The following LZTR1 variants were observed in gnomAD, a reference collection of about 807,000 sequenced individuals.
LZTR1 encodes leucine-zipper-like transcriptional regulator 1.
In LZTR1, 260 loss-of-function variants were observed where a neutral mutation model predicts 105.7. That is an observed-to-expected ratio of 2.46 (90% CI 2.22 to 2.72). LZTR1 has a LOEUF of 2.72. LZTR1 is among the 30% of genes most tolerant of loss of function. The pLI, the probability that LZTR1 is intolerant of heterozygous loss-of-function variation, is 0.00. For missense variants in LZTR1, 1,214 were observed against 1,166.9 expected (o/e 1.04, Z -0.59); for synonymous variants, 490 against 476.4 (o/e 1.03, Z -0.37).
At chr22:20,988,766 TC>T in intron 5 of LZTR1, 22 bp from the exon 6 acceptor site, 1 of 1,596,724 alleles carries the variant, frequency 6.3e-7, no homozygotes, top group Non-Finnish European at 8.6e-7. Flanking sequence ...CCTCACTCCC[TC>T]CCCTCTTCCC....
In LZTR1 at chr22:20,997,410, A is replaced by C. The variant is rs985252207; in HGVS notation, c.*62A>C. ...TGCCTGCCTGCCCTGCCTACTGAGAAGACTACCGGCTATGCGCATGCCTAT... is the reference window on the plus strand; with the variant it reads ...TGCCTGCCTGCCCTGCCTACTGAGACGACTACCGGCTATGCGCATGCCTAT... On this transcript the variant is annotated 3_prime_UTR_variant, in exon 21 of 21. Transcript: ENST00000646124. 3.7e-5 allele frequency: 47 copies of C among 1,262,042 alleles called. No individual in the cohort carries two copies. The African/African-American group carries it at 5.4e-4, about 15-fold the overall frequency. 78.2% of individuals were successfully genotyped at this position (1,262,042 alleles called of 1,614,324 possible).
chr22:20,995,420 G>T, intron 16 of LZTR1: 1 of 622,744 alleles, frequency 1.6e-6, no homozygotes, highest in Non-Finnish European at 3.1e-6. Flanking sequence ...CCGGTTGCTG[G>T]CTCTTGGTGA....
intron 10 of LZTR1, 118 bp from the exon 11 acceptor site, chr22:20,992,676 C>A (rs1273786736): frequency 4.2e-6 from 3 of 707,838 alleles, no homozygotes; most frequent in Non-Finnish European, 7.2e-6. Context: ...CCTTGGGGAC[C>A]CTGCCCCCTG....
intron 10 of LZTR1, 77 bp downstream of exon 10, chr22:20,992,446 G>A: frequency 1.4e-6 from 2 of 1,442,372 alleles, no homozygotes; most frequent in Non-Finnish European, 9.4e-7. Flanking sequence ...CACACATGGG[G>A]AGACTGAGGC....
At position 20,987,586 on chromosome 22, in the gene LZTR1, A is replaced by G. The variant is rs371956748; in HGVS notation, c.400+3A>G. 1.9e-6 allele frequency: 3 copies of G among 1,613,806 alleles called. No individual in the cohort carries two copies. The highest frequency in any genetic ancestry group is 2.2e-5 in the East Asian group (1 of 44,876). Reference sequence around the variant, plus strand: ...TGGGAGCAGCATGTTTGTCTTTGGTAAGCAGCCTCTTGCCTCCCAGGGGCT... The same window carrying G: ...TGGGAGCAGCATGTTTGTCTTTGGTGAGCAGCCTCTTGCCTCCCAGGGGCT... On this transcript the variant is annotated splice_donor_region_variant and intron_variant, in intron 4 of 20. Coordinates refer to ENST00000646124, the MANE Select transcript of LZTR1 (RefSeq NM_006767.4).
chr22:20,988,523 G>A (rs1924483429), intron 5 of LZTR1, among the ~76,000 whole-genome samples: 1 of 152,178 alleles, frequency 6.6e-6, no homozygotes, highest in African/African-American at 2.4e-5. Flanking sequence ...CTGGGGTCCC[G>A]CTTTTTGAGC....
chr22:20,996,903 CA>C lies in LZTR1; in HGVS notation c.2347del (p.Thr783ArgfsTer6). On this transcript the variant is annotated frameshift_variant, in exon 20 of 21. Transcript: ENST00000646124. LOFTEE classifies it high-confidence loss of function. ...CATTGCAGATCCTGGAGGCAGCTGA[CA>C]AAACGCAGGCACTGGACATGAAGCG... is the stretch of plus-strand genomic sequence containing the variant. ...NVLQILEAAD[K>X]TQALDMKRHC... 1 of 1,612,278 alleles carries C rather than the reference CA, an allele frequency of 6.2e-7. No individual in the cohort carries two copies. Among genetic ancestry groups the C allele is most frequent in the African/African-American group, 1.3e-5 (1 of 75,042 alleles).
chr22:20,994,619 GTGC>G lies in LZTR1; in HGVS notation c.1678_1680del (p.Cys560del). 1 of 1,612,650 alleles carries G rather than the reference GTGC, an allele frequency of 6.2e-7. No individual in the cohort carries two copies. The highest frequency in any genetic ancestry group is 8.5e-7 in the Non-Finnish European group (1 of 1,179,850). On this transcript the variant is annotated inframe_deletion, in exon 15 of 21. Coordinates refer to ENST00000646124, the MANE Select transcript of LZTR1 (RefSeq NM_006767.4). ...ACAAACTGGCACTGAGCTTCCAGTTGTGCCGCCTGGAGCAGCTGTGCCGCCAGT... is the reference window on the plus strand; with the variant it reads ...ACAAACTGGCACTGAGCTTCCAGTTGCGCCTGGAGCAGCTGTGCCGCCAGT...
rs1198204613 is a variant in LZTR1 at position 20,994,225 on chromosome 22, T to C, written c.1571T>C (p.Leu524Pro). ...GCCGAGGCCCGGCCCTTCGAGGTGC[T>C]CATGCAGTTCCTCTACACCGACAAG... ...REAEARPFEV[L>P]MQFLYTDKIK... is the part of the protein sequence containing the mutation. Residue 524 changes from leucine (L) to proline (P), a missense_variant, in exon 14 of 21, where the codon CTC (leucine) becomes CCC (proline). Physicochemically the swap from Leu to Pro is moderately conservative, Grantham distance 98. Transcript: ENST00000646124. The C allele has an allele frequency of 5.6e-6, 9 of 1,600,458 alleles. No individual in the cohort carries two copies. The highest frequency in any genetic ancestry group is 6.8e-6 in the Non-Finnish European group (8 of 1,179,486).
chr22:20,995,682 G>T, intron 16 of LZTR1, 64 bp from the exon 17 acceptor site: 2 of 1,594,640 alleles, frequency 1.3e-6, no homozygotes, highest in African/African-American at 2.7e-5. Flanking sequence ...CAGGAAGGTA[G>T]TGCCGTGGGG....
At chr22:20,983,145 G>A (rs1924260999) in intron 2 of LZTR1, 56 bp downstream of exon 2, 1 of 1,484,868 alleles carries the variant, frequency 6.7e-7, no homozygotes, top group African/African-American at 1.4e-5. Flanking sequence ...ACTGTGGTCA[G>A]GGACTGGGCC....
At chr22:20,995,497 G>T (rs554992928) in intron 16 of LZTR1, 1 of 684,916 alleles carries the variant, frequency 1.5e-6, no homozygotes, top group Admixed American at 2.1e-5. Context: ...CAGCGAGGGG[G>T]TACAGCAAGC....
At position 20,982,415 on chromosome 22, in the gene LZTR1, C is replaced by T. The variant is rs2147956758; in HGVS notation, c.44C>T (p.Ala15Val). The T allele has an allele frequency of 1.3e-6, 2 of 1,570,950 alleles. No homozygotes were observed. The highest frequency in any genetic ancestry group is 8.6e-7 in the Non-Finnish European group (1 of 1,157,614). The part of the protein sequence containing the change: ...GSTGGQIGAA[A>V]LAGGARSKVA... ...ACGGGGGGGCAGATCGGGGCTGCGGCCCTGGCAGGCGGCGCGCGGTCCAAG... is the reference window on the plus strand; with the variant it reads ...ACGGGGGGGCAGATCGGGGCTGCGGTCCTGGCAGGCGGCGCGCGGTCCAAG... Residue 15 changes from alanine (A) to valine (V), a missense_variant, in exon 1 of 21, where the codon GCC becomes GTC. Physicochemically the swap from Ala to Val is moderately conservative, Grantham distance 64. Transcript: ENST00000646124.
intron 11 of LZTR1, chr22:20,993,428 G>A (rs966800516): frequency 1.0e-5 from 6 of 584,504 alleles, no homozygotes; most frequent in Non-Finnish European, 1.5e-5. Flanking sequence ...AGAGGCAGGG[G>A]AGCCCTTTCC....
At chr22:20,995,453 T>C (rs749285855) in intron 16 of LZTR1, 20 of 643,196 alleles carry the variant, frequency 3.1e-5, no homozygotes, top group South Asian at 6.0e-5. Flanking sequence ...CCAGAGGCCA[T>C]GCAGTGGGCC....
At position 20,990,406 on chromosome 22, in the gene LZTR1, C is replaced by T. The variant is rs760674583; in HGVS notation, c.672C>T (p.Ile224=). 1.1e-5 allele frequency: 18 copies of T among 1,613,924 alleles called. No individual in the cohort carries two copies. Among genetic ancestry groups the T allele is most frequent in the Non-Finnish European group, 1.5e-5 (18 of 1,179,990 alleles). ...CWEEVAQSGE[I]PPSCCNFPVA... is the part of the protein sequence containing the mutation. ...TGCAGGTGGCCCAGAGTGGCGAGAT[C>T]CCCCCATCTTGCTGCAACTTCCCCG... is the stretch of plus-strand genomic sequence containing the variant. Residue 224 remains isoleucine (I), a synonymous_variant, in exon 8 of 21, where the codon ATC becomes ATT. Transcript: ENST00000646124.
intron 3 of LZTR1, chr22:20,986,108 A>C: frequency 3.4e-6 from 2 of 595,926 alleles, no homozygotes; most frequent in Non-Finnish European, 6.0e-6. Flanking sequence ...GCAGCTGCCA[A>C]GCTGGGCACA....
At chr22:20,993,231 T>C (rs935906718) in intron 11 of LZTR1, 11 of 415,384 alleles carry the variant, frequency 2.6e-5, no homozygotes, top group African/African-American at 1.6e-4. Context: ...GTGGCTTGCG[T>C]TGACAGCCCC....
chr22:20,990,682 G>T (rs761365775), intron 8 of LZTR1, 157 bp downstream of exon 8: 38 of 757,356 alleles, frequency 5.0e-5, no homozygotes, highest in Non-Finnish European at 6.7e-5. Flanking sequence ...GATGTGCGGT[G>T]CCCCTGGCAG....
Sources: allele counts gnomAD v4.1 joint callset (sites outside exome capture counted in the v4.1 genomes callset), GRCh38; gene constraint gnomAD v4.1.1; transcripts MANE v1.5; gene names NCBI Gene and HGNC (gene_info 2026-07-23, HGNC 2026-07-21).